The following STIM1 variants were observed in gnomAD, a reference collection of about 807,000 sequenced individuals.
The protein encoded by STIM1 is stromal interaction molecule 1.
Under a neutral mutation model 74.7 loss-of-function variants are expected in STIM1, and 25 were observed. The ratio of observed to expected loss-of-function variants is 0.33; its 90% CI spans 0.24 to 0.47. The LOEUF (loss-of-function observed/expected upper bound fraction) is 0.47. STIM1 is among the 20% of genes least tolerant of loss of function. The probability of loss-of-function intolerance (pLI) is 1.00; values close to 1 mark genes in which losing one functional copy is unlikely to be tolerated. For missense variants in STIM1, 728 were observed against 920.8 expected (o/e 0.79, Z 2.71); for synonymous variants, 328 against 348.8 (o/e 0.94, Z 0.66).
chr11:3,999,965 T>C (rs1231922334), intron 2 of STIM1, among the ~76,000 whole-genome samples: 1 of 152,010 alleles, frequency 6.6e-6, no homozygotes, highest in Non-Finnish European at 1.5e-5. Flanking sequence ...CCTACGCCCA[T>C]GGAGTCTTGC....
At chr11:4,088,730 TC>T in intron 12 of STIM1, 1 of 1,535,816 alleles carries the variant, frequency 6.5e-7, no homozygotes, top group Non-Finnish European at 8.7e-7. Flanking sequence ...AAACAGGCTC[TC>T]TAGTAAGGTC....
At chr11:3,917,999 T>G (rs1302617076) in intron 1 of STIM1, among the ~76,000 whole-genome samples, 1 of 152,180 alleles carries the variant, frequency 6.6e-6, no homozygotes. Context: ...TCAGACAGAC[T>G]TAACCAAGAG....
intron 1 of STIM1, among the ~76,000 whole-genome samples, chr11:3,953,477 G>A (rs181625699): frequency 1.4e-4 from 22 of 152,264 alleles, no homozygotes; most frequent in African/African-American, 5.3e-4. Context: ...CAGGGAGCCC[G>A]GTTGCATAGG....
intron 2 of STIM1, among the ~76,000 whole-genome samples, chr11:3,981,117 G>T (rs776775179): frequency 6.6e-6 from 1 of 152,056 alleles, no homozygotes; most frequent in Non-Finnish European, 1.5e-5. Context: ...TCTGCCTCAG[G>T]CTCTCTTTCA....
In STIM1 at chr11:4,049,013, C is replaced by T. The variant is rs1030652181; in HGVS notation, c.386-6513C>T. The stretch of plus-strand genomic sequence containing the variant: ...CCTCCCAAAGTGCTGGGATTACAGG[C>T]GTAAGCCACTGCACCTGGCCTATAA... On this transcript the variant is annotated intron_variant, in intron 3 of 12. Coordinates refer to ENST00000526596, the MANE Select transcript of STIM1 (RefSeq NM_001382567.1). Among the ~76,000 whole-genome samples, 7 of 152,284 alleles carry T rather than the reference C, an allele frequency of 4.6e-5. No individual in the cohort carries two copies. In the East Asian group the frequency reaches 1.2e-3, roughly 25 times the overall value.
At chr11:4,088,864 C>A in intron 12 of STIM1, 1 of 929,762 alleles carries the variant, frequency 1.1e-6, no homozygotes, top group Non-Finnish European at 1.7e-6. Context: ...CCTCCTATAT[C>A]TCCCTAGGCT....
chr11:3,974,553 C>G (rs1052391443), intron 2 of STIM1, among the ~76,000 whole-genome samples: 2 of 150,996 alleles, frequency 1.3e-5, no homozygotes, highest in Non-Finnish European at 1.5e-5. Context: ...CACAGAGACC[C>G]TAAAAGAGAC....
chr11:3,937,886 C>T (rs924849566), intron 1 of STIM1, among the ~76,000 whole-genome samples: 2 of 151,864 alleles, frequency 1.3e-5, no homozygotes, highest in Admixed American at 6.6e-5. Flanking sequence ...CTGTTGGTGT[C>T]CCCCCCTACC....
intron 12 of STIM1, among the ~76,000 whole-genome samples, chr11:4,090,690 T>G (rs2094518963): frequency 1.3e-5 from 2 of 152,076 alleles, no homozygotes; most frequent in Non-Finnish European, 1.5e-5. Flanking sequence ...TGGAAAATGG[T>G]GACTCGGAGC....
intron 1 of STIM1, chr11:3,892,925 G>T: frequency 1.7e-6 from 2 of 1,202,212 alleles, no homozygotes; most frequent in South Asian, 1.2e-5. Context: ...AGCAGCATCT[G>T]CAAAGACTTT....
chr11:3,972,927 T>A, intron 2 of STIM1: 1 of 507,414 alleles, frequency 2.0e-6, no homozygotes, highest in South Asian at 1.4e-5. Context: ...ATCCAAAATT[T>A]GAGGACTGAT....
At chr11:3,871,235 C>A (rs1410846459) in intron 1 of STIM1, among the ~76,000 whole-genome samples, 2 of 152,128 alleles carry the variant, frequency 1.3e-5, no homozygotes, top group Non-Finnish European at 2.9e-5. Flanking sequence ...TTCTGCCAAC[C>A]TTCATGTGGG....
At position 3,865,480 on chromosome 11, in the gene STIM1, A is replaced by G. The variant is rs79341088; in HGVS notation, c.139+9071A>G. ...GAAATTGGTCTGGGTACAATTAGGG[A>G]TATACAAAGTCAAATGTCAAGTGCT... On this transcript the variant is annotated intron_variant, in intron 1 of 12. Transcript: ENST00000526596. Among the ~76,000 whole-genome samples the G allele has an allele frequency of 3.7e-3, 564 of 152,310 alleles. 2 individuals are homozygous for G. Among genetic ancestry groups the G allele is most frequent in the African/African-American group, 0.012 (502 of 41,556 alleles).
intron 1 of STIM1, among the ~76,000 whole-genome samples, chr11:3,933,490 T>C (rs1190557925): frequency 1.3e-5 from 2 of 152,216 alleles, no homozygotes. Context: ...CTAAAGTCCA[T>C]GTTTCCCTCT....
At chr11:3,943,988 AT>A (rs925375633) in intron 1 of STIM1, among the ~76,000 whole-genome samples, 15 of 151,006 alleles carry the variant, frequency 9.9e-5, no homozygotes, top group Non-Finnish European at 1.3e-4. Flanking sequence ...GAAGGCAGAG[AT>A]TTTTTTTTTA....
At chr11:4,022,335 CAAAAAA>C (rs60560723) in intron 2 of STIM1, among the ~76,000 whole-genome samples, 2 of 105,036 alleles carry the variant, frequency 1.9e-5, no homozygotes, top group Non-Finnish European at 1.9e-5. Flanking sequence ...GAACCTGTCT[CAAAAAA>C]AAAAAAAAAA....
intron 12 of STIM1, chr11:4,088,869 T>A: frequency 1.1e-6 from 1 of 898,182 alleles, no homozygotes; most frequent in Non-Finnish European, 1.7e-6. Context: ...TATATCTCCC[T>A]AGGCTTCCTC....
intron 3 of STIM1, among the ~76,000 whole-genome samples, chr11:4,028,930 G>A (rs937424576): frequency 6.6e-6 from 1 of 152,138 alleles, no homozygotes; most frequent in East Asian, 1.9e-4. Context: ...GCTCACGCCT[G>A]TAATCCCAGC....
At chr11:4,041,396 C>T (rs1007394235) in intron 3 of STIM1, among the ~76,000 whole-genome samples, 53 of 152,034 alleles carry the variant, frequency 3.5e-4, no homozygotes, top group African/African-American at 1.2e-3. Flanking sequence ...AAATGAATGG[C>T]GATAATAATT....
Sources: allele counts gnomAD v4.1 joint callset (sites outside exome capture counted in the v4.1 genomes callset), GRCh38; gene constraint gnomAD v4.1.1; transcripts MANE v1.5; gene names NCBI Gene and HGNC (gene_info 2026-07-23, HGNC 2026-07-21).